BDP1: variants seen among roughly 807,000 people sequenced by gnomAD.
BDP1 encodes transcription factor TFIIIB component B'' homolog.
Under a neutral mutation model 266.6 loss-of-function variants are expected in BDP1, and 169 were observed. The observed-to-expected ratio is 0.63, with a 90% confidence interval of 0.56 to 0.72. The LOEUF is 0.72. Ranked by LOEUF, BDP1 falls within the 30% of genes least tolerant of loss-of-function variation. The pLI, the probability that BDP1 is intolerant of heterozygous loss-of-function variation, is 0.00. For missense variants in BDP1, 3,015 were observed against 3,053.8 expected (o/e 0.99, Z 0.30); for synonymous variants, 1,090 against 1,022.4 (o/e 1.07, Z -1.26).
chr5:71,571,607 G>A (rs1046186750), downstream of BDP1, among the ~76,000 whole-genome samples: 3 of 148,220 alleles, frequency 2.0e-5, no homozygotes, highest in Non-Finnish European at 3.0e-5. Context: ...GGATTGCTGG[G>A]CCCCAATCCT....
intron 36 of BDP1, among the ~76,000 whole-genome samples, chr5:71,558,899 A>G (rs1297373128): frequency 6.6e-6 from 1 of 151,914 alleles, no homozygotes; most frequent in Non-Finnish European, 1.5e-5. Context: ...CACACCTATA[A>G]TCCCAGCACT....
chr5:71,501,984 T>C (rs368976547), intron 14 of BDP1, among the ~76,000 whole-genome samples: 176 of 152,272 alleles, frequency 1.2e-3, no homozygotes, highest in African/African-American at 3.8e-3. Context: ...ATCTGACTGG[T>C]GGATTCTGGG....
chr5:71,549,918 C>T (rs1742624883), intron 34 of BDP1, among the ~76,000 whole-genome samples: 2 of 152,164 alleles, frequency 1.3e-5, no homozygotes, highest in Admixed American at 6.5e-5. Flanking sequence ...TAAACATACA[C>T]ATATGAAACT....
In BDP1 at chr5:71,467,361, G is replaced by A; in HGVS notation, c.793G>A (p.Val265Ile). The change falls in exon 6 of 39, where the codon GTA (valine) becomes ATA (isoleucine). Residue 265 changes from valine to isoleucine, a missense_variant. Val to Ile is a conservative substitution (Grantham distance 29, BLOSUM62 3). Around this residue, in one of 3 missense-constraint regions of BDP1, gnomAD observed 2,383 missense variants for 2,404.9 expected, o/e 0.99. Transcript: ENST00000358731. ...AAAATGTGTTTATTTCAGTTTAACT[G>A]TAGAAGTTTTAAGAACAAAAGGCCC... ...SIILDEESLT[V>I]EVLRTKGPCV... 2 of 1,602,662 alleles carry A rather than the reference G, an allele frequency of 1.2e-6. No individual in the cohort carries two copies. Among genetic ancestry groups the A allele is most frequent in the Non-Finnish European group, 1.7e-6 (2 of 1,173,350 alleles).
intron 34 of BDP1, among the ~76,000 whole-genome samples, chr5:71,552,582 C>T (rs1441603615): frequency 6.6e-6 from 1 of 152,250 alleles, no homozygotes; most frequent in Non-Finnish European, 1.5e-5. Flanking sequence ...CGTCGGGAGG[C>T]CGAGGCCGGC....
chr5:71,558,378 C>T (rs753699268), intron 36 of BDP1, among the ~76,000 whole-genome samples: 2 of 149,944 alleles, frequency 1.3e-5, no homozygotes, highest in Non-Finnish European at 3.0e-5. Context: ...AAAAAATTAG[C>T]CAGGCGTGGT....
intron 7 of BDP1, among the ~76,000 whole-genome samples, chr5:71,472,359 G>A (rs901918019): frequency 2.6e-4 from 39 of 152,226 alleles, no homozygotes; most frequent in African/African-American, 9.4e-4. Context: ...TACTCGGGAG[G>A]CTGAGGAAGG....
intron 36 of BDP1, 48 bp downstream of exon 36, chr5:71,556,973 G>A (rs1743260269): frequency 1.0e-6 from 1 of 967,326 alleles, no homozygotes; most frequent in Non-Finnish European, 1.5e-6. Context: ...AAATACTCCT[G>A]ATTATTTGGG....
At chr5:71,562,226 A>AAAATTT in intron 37 of BDP1, 48 bp from the exon 38 acceptor site, 1 of 981,786 alleles carries the variant, frequency 1.0e-6, no homozygotes, top group Non-Finnish European at 1.5e-6. Flanking sequence ...AAAAAAAAGA[A>AAAATTT]TGTGTCTTCC....
chr5:71,491,193 A>C, intron 11 of BDP1, 62 bp downstream of exon 11: 1 of 1,492,172 alleles, frequency 6.7e-7, no homozygotes, highest in Non-Finnish European at 9.3e-7. Flanking sequence ...AGGAGTGTTG[A>C]AGTCTCCATC....
In BDP1 at chr5:71,565,105, A is replaced by G; in HGVS notation, c.*220A>G. The G allele has an allele frequency of 2.1e-6, 1 of 474,854 alleles. No individual in the cohort carries two copies. Among genetic ancestry groups the G allele is most frequent in the Non-Finnish European group, 3.7e-6 (1 of 269,958 alleles). The allele number at this position is 474,854 out of a possible 1,614,324, so 29.4% of individuals were successfully genotyped here. A position where few individuals can be genotyped will look rare whatever the true frequency, so the allele number is the denominator to read the frequency against. ...TTCAGCATTTTGCAAATAGCAAGCA[A>G]TTAAGACTGCTTTCTCAGACAGAAA... On this transcript the variant is annotated 3_prime_UTR_variant, in exon 39 of 39. Coordinates refer to ENST00000358731, the MANE Select transcript of BDP1 (RefSeq NM_018429.3).
At chr5:71,554,196 T>C (rs1420647605) in intron 35 of BDP1, among the ~76,000 whole-genome samples, 1 of 152,210 alleles carries the variant, frequency 6.6e-6, no homozygotes, top group Non-Finnish European at 1.5e-5. Context: ...ATCCCAGAAC[T>C]GTTTTATTTT....
At chr5:71,525,274 C>A (rs1466812617) in intron 25 of BDP1, among the ~76,000 whole-genome samples, 1 of 147,226 alleles carries the variant, frequency 6.8e-6, no homozygotes, top group African/African-American at 2.5e-5. Flanking sequence ...CTGACCCCCC[C>A]CACCTCCCTC....
intron 22 of BDP1, among the ~76,000 whole-genome samples, chr5:71,521,805 C>T (rs1360069927): frequency 6.6e-6 from 1 of 152,136 alleles, no homozygotes; most frequent in Non-Finnish European, 1.5e-5. Context: ...AGAGTTCAGG[C>T]ATCTGTTAGG....
intron 30 of BDP1, among the ~76,000 whole-genome samples, chr5:71,543,731 C>T (rs6453018): frequency 0.81 from 123,315 of 152,234 alleles, 50,194 homozygotes; most frequent in East Asian, 0.87. Context: ...CAGGTGTCAA[C>T]CTGTAATACA....
chr5:71,539,751 G>T (rs1766847446), intron 28 of BDP1, 102 bp downstream of exon 28: 3 of 694,104 alleles, frequency 4.3e-6, no homozygotes, highest in South Asian at 4.3e-5. Flanking sequence ...CTTTGAAGTT[G>T]TCTCCATTTT....
intron 7 of BDP1, among the ~76,000 whole-genome samples, chr5:71,481,206 T>C (rs1321021199): frequency 1.3e-5 from 2 of 150,922 alleles, no homozygotes; most frequent in Non-Finnish European, 3.0e-5. Flanking sequence ...TACCAGACAT[T>C]GTGAATGATG....
chr5:71,467,059 G>A (rs1385915075), intron 5 of BDP1, among the ~76,000 whole-genome samples: 1 of 150,690 alleles, frequency 6.6e-6, no homozygotes, highest in Non-Finnish European at 1.5e-5. Context: ...TCAAAGACAT[G>A]TGCAAGTCAA....
chr5:71,502,541 G>A (rs951242655), intron 14 of BDP1, 58 bp from the exon 15 acceptor site: 11 of 1,383,326 alleles, frequency 8.0e-6, no homozygotes, highest in Middle Eastern at 1.9e-4. Flanking sequence ...TTCATGCCAG[G>A]GAGAAGGAAA....
Sources: gnomAD v4.1 joint callset for allele counts (sites outside exome capture counted in the v4.1 genomes callset) on GRCh38, gnomAD v4.1.1 for gene constraint, gnomAD v4.1.1 regional missense constraint, MANE v1.5 for transcripts, NCBI Gene and HGNC (gene_info 2026-07-23, HGNC 2026-07-21) for gene names.